The following LRCH2 variants were observed in gnomAD, a reference collection of about 807,000 sequenced individuals.
LRCH2 encodes leucine-rich repeat and calponin homology domain-containing protein 2.
LRCH2 carries 38 observed loss-of-function variants against 68.9 expected under a neutral mutation model. That is an observed-to-expected ratio of 0.55 (90% CI 0.43 to 0.72). The LOEUF (loss-of-function observed/expected upper bound fraction) is 0.72, where lower values mean the gene tolerates loss of function less well. Among genes scored for constraint, LRCH2 ranks in the 30% least tolerant of loss-of-function variants. The probability of loss-of-function intolerance (pLI) is 0.00; values close to 1 mark genes in which losing one functional copy is unlikely to be tolerated. For synonymous variants in LRCH2, 191 were observed against 208.1 expected, an observed-to-expected ratio of 0.92 and a Z score of 0.71; for missense variants, 528 against 572.9, an observed-to-expected ratio of 0.92 and a Z score of 0.80.
intron 14 of LRCH2, among the ~76,000 whole-genome samples, chrX:115,134,652 C>T (rs188634539): frequency 1.4e-4 from 16 of 111,813 alleles, no homozygotes; most frequent in Admixed American, 1.4e-3. Flanking sequence ...ATGTTAAGCC[C>T]ACTATCGAGC....
chrX:115,147,621 AAAAAT>A (rs1158225418), intron 14 of LRCH2, among the ~76,000 whole-genome samples: 1 of 111,830 alleles, frequency 8.9e-6, no homozygotes, highest in Non-Finnish European at 1.9e-5. Context: ...TTATTTTATA[AAAAAT>A]AAAATACCAA....
At chrX:115,185,628 T>G (rs1198171372) in intron 2 of LRCH2, among the ~76,000 whole-genome samples, 1 of 10,144 alleles carries the variant, frequency 9.9e-5, no homozygotes, top group East Asian at 0.019. Context: ...CAAGGGGGAC[T>G]TGAAAGACCC....
intron 20 of LRCH2, among the ~76,000 whole-genome samples, chrX:115,119,013 G>T (rs191989357): frequency 9.0e-6 from 1 of 110,980 alleles, no homozygotes; most frequent in Non-Finnish European, 1.9e-5. Flanking sequence ...TTGATGGGAC[G>T]TATCTCAAAA....
chrX:115,190,832 G>T (rs1472083694), intron 1 of LRCH2: 2 of 1,153,043 alleles, frequency 1.7e-6, no homozygotes, highest in East Asian at 6.7e-5. Context: ...TGGAGCGACT[G>T]CTGCGGAGGA....
intron 15 of LRCH2, 113 bp downstream of exon 15, chrX:115,130,042 G>A: frequency 5.2e-6 from 2 of 381,198 alleles, no homozygotes; most frequent in African/African-American, 2.6e-5. Flanking sequence ...AAAAAACCAT[G>A]CATTAAATCA....
At chrX:115,150,571 A>T (rs1556538049) in intron 12 of LRCH2, among the ~76,000 whole-genome samples, 1 of 111,339 alleles carries the variant, frequency 9.0e-6, no homozygotes, top group Non-Finnish European at 1.9e-5. Context: ...TGTTGAGATA[A>T]GGCAGACTAT....
At chrX:115,213,888 TA>T (rs1556570664) in intron 1 of LRCH2, among the ~76,000 whole-genome samples, 1 of 111,757 alleles carries the variant, frequency 8.9e-6, no homozygotes, top group African/African-American at 3.3e-5. Context: ...TGCAACAACC[TA>T]AAATCCCTAG....
chrX:115,148,676 T>C (rs886249352), intron 14 of LRCH2, among the ~76,000 whole-genome samples: 2 of 111,911 alleles, frequency 1.8e-5, no homozygotes, highest in Non-Finnish European at 3.8e-5. Context: ...TACAGATGTA[T>C]AAAGGGTTAG....
At chrX:115,217,874 A>G (rs2073052152) in intron 1 of LRCH2, among the ~76,000 whole-genome samples, 1 of 111,956 alleles carries the variant, frequency 8.9e-6, no homozygotes, top group African/African-American at 3.2e-5. Context: ...ATTTCTCCAC[A>G]TCCTCTCCAG....
intron 2 of LRCH2, among the ~76,000 whole-genome samples, chrX:115,187,982 T>C (rs2072746703): frequency 8.9e-6 from 1 of 112,710 alleles, no homozygotes; most frequent in Admixed American, 9.4e-5. Flanking sequence ...ATAACAGACC[T>C]AAGAAATTAG....
At chrX:115,209,602 T>A (rs4498728) in intron 1 of LRCH2, among the ~76,000 whole-genome samples, 2 of 111,371 alleles carry the variant, frequency 1.8e-5, no homozygotes, top group Admixed American at 1.9e-4. Context: ...ATACAGTAAA[T>A]TGGTACCAGT....
intron 5 of LRCH2, among the ~76,000 whole-genome samples, chrX:115,177,850 G>A (rs1234661407): frequency 9.4e-6 from 1 of 106,922 alleles, no homozygotes; most frequent in Non-Finnish European, 1.9e-5. Flanking sequence ...GTGTCCATGT[G>A]TTCTCATTGT....
intron 15 of LRCH2, among the ~76,000 whole-genome samples, chrX:115,128,291 C>CT (rs1160777227): frequency 9.0e-6 from 1 of 111,596 alleles, no homozygotes; most frequent in Non-Finnish European, 1.9e-5. Flanking sequence ...TTTGTGACAA[C>CT]TAACTGTCCC....
chrX:115,205,781 A>C (rs1556567769), intron 1 of LRCH2, among the ~76,000 whole-genome samples: 3 of 111,148 alleles, frequency 2.7e-5, no homozygotes, highest in Non-Finnish European at 5.7e-5. Flanking sequence ...TATTAAAAAT[A>C]CAAAAAATTA....
chrX:115,143,056 C>A (rs2072353123), intron 14 of LRCH2, among the ~76,000 whole-genome samples: 1 of 111,172 alleles, frequency 9.0e-6, no homozygotes, highest in Non-Finnish European at 1.9e-5. Flanking sequence ...CATGACACCA[C>A]TGCACCTCAG....
At chrX:115,215,840 T>G (rs1396551066) in intron 1 of LRCH2, among the ~76,000 whole-genome samples, 1 of 109,983 alleles carries the variant, frequency 9.1e-6, no homozygotes, top group African/African-American at 3.3e-5. Flanking sequence ...CACTTGGTGT[T>G]GGCAAGGCTA....
At chrX:115,192,845 T>C (rs1312161435) in intron 1 of LRCH2, 6 of 442,765 alleles carry the variant, frequency 1.4e-5, no homozygotes, top group East Asian at 1.2e-4. Context: ...TTTCAACAAG[T>C]TCTTGTTAAA....
chrX:115,224,796 G>A (rs1556575686), intron 1 of LRCH2, among the ~76,000 whole-genome samples: 1 of 111,550 alleles, frequency 9.0e-6, no homozygotes, highest in Non-Finnish European at 1.9e-5. Context: ...GAGGCAGATT[G>A]ATTAAAAGCA....
chrX:115,225,379 A>G (rs782616247), intron 1 of LRCH2, among the ~76,000 whole-genome samples: 1 of 111,199 alleles, frequency 9.0e-6, no homozygotes, highest in Non-Finnish European at 1.9e-5. Flanking sequence ...CTGAGCCCCA[A>G]CATAGGTAAG....
Sources: gnomAD v4.1 joint callset for allele counts (sites outside exome capture counted in the v4.1 genomes callset) on GRCh38, gnomAD v4.1.1 for gene constraint, MANE v1.5 for transcripts, NCBI Gene and HGNC (gene_info 2026-07-23, HGNC 2026-07-21) for gene names.